Variants in PLEKHM1 observed in about 807,000 individuals in gnomAD.
PLEKHM1 encodes the protein pleckstrin homology and RUN domain containing M1, also known as pleckstrin homology domain-containing family M member 1.
PLEKHM1 carries 28 observed loss-of-function variants against 94.3 expected under a neutral mutation model. The ratio of observed to expected loss-of-function variants is 0.30; its 90% CI spans 0.22 to 0.41. The LOEUF (loss-of-function observed/expected upper bound fraction) is 0.41, where lower values mean the gene tolerates loss of function less well. Ranked by LOEUF, PLEKHM1 falls within the 10% of genes least tolerant of loss-of-function variation. The pLI, the probability that PLEKHM1 is intolerant of heterozygous loss-of-function variation, is 1.00. For missense variants in PLEKHM1, 907 were observed against 1,358.6 expected (o/e 0.67, Z 5.22); for synonymous variants, 424 against 581.2 (o/e 0.73, Z 3.89).
intron 4 of PLEKHM1, among the ~76,000 whole-genome samples, chr17:45,473,657 C>T (rs1567796612): frequency 6.6e-6 from 1 of 151,938 alleles, no homozygotes; most frequent in Non-Finnish European, 1.5e-5. Context: ...CTCCTGGGTC[C>T]ACACCATTCT....
chr17:45,453,407 C>T lies in PLEKHM1; in HGVS notation c.2445G>A (p.Leu815=). The T allele has an allele frequency of 6.2e-7, 1 of 1,613,838 alleles. No homozygotes were observed. The highest frequency in any genetic ancestry group is 2.2e-5 in the East Asian group (1 of 44,884). Residue 815 remains leucine (L), a synonymous_variant, in exon 7 of 12, where the codon CTG becomes CTA. Transcript: ENST00000430334. This position sits in a 1 kb window ranked among gnomAD's most constrained non-coding sequence, Gnocchi z 4.1. ...TRENGFLLQY[L]VAIPMEKGLD... Reference sequence around the variant, plus strand: ...GGCCTTTCTCCATGGGGATAGCCACCAGGTACTGCAGCAGGAAGCCATTCT... The same window carrying T: ...GGCCTTTCTCCATGGGGATAGCCACTAGGTACTGCAGCAGGAAGCCATTCT...
chr17:45,452,608 T>TC (rs1183700877), intron 7 of PLEKHM1, among the ~76,000 whole-genome samples: 1 of 151,382 alleles, frequency 6.6e-6, no homozygotes, highest in Non-Finnish European at 1.5e-5. Flanking sequence ...AATGAGATAA[T>TC]CCAAATAAAG....
chr17:45,476,544 G>A (rs1159974557), intron 3 of PLEKHM1, among the ~76,000 whole-genome samples: 63 of 152,126 alleles, frequency 4.1e-4, no homozygotes, highest in Non-Finnish European at 4.4e-5. Flanking sequence ...ACGGGGTAAT[G>A]GCCCCACACC....
intron 5 of PLEKHM1, among the ~76,000 whole-genome samples, chr17:45,460,933 G>A (rs1353443709): frequency 6.6e-6 from 1 of 152,182 alleles, no homozygotes; most frequent in African/African-American, 2.4e-5. Context: ...CGCCCAGGCT[G>A]GAGTGCAGTG....
Position 45,453,428 on chromosome 17 carries a change from A to G in PLEKHM1, c.2424T>C (p.Asn808=), listed in dbSNP as rs2050834178. The change falls in exon 7 of 12, where the codon AAT becomes AAC. Residue 808 remains asparagine (N), a synonymous_variant. Coordinates refer to ENST00000430334, the MANE Select transcript of PLEKHM1 (RefSeq NM_014798.3). The surrounding 1 kb of genome is among the most constrained non-coding windows in gnomAD (Gnocchi z 4.1). ...CCACCAGGTACTGCAGCAGGAAGCCATTCTCCCGGGTGGCAAATTTCAGCA... is the reference window on the plus strand; with the variant it reads ...CCACCAGGTACTGCAGCAGGAAGCCGTTCTCCCGGGTGGCAAATTTCAGCA... The part of the protein sequence containing the change: ...QEVLKFATRE[N]GFLLQYLVAI... The G allele has an allele frequency of 2.5e-6, 4 of 1,613,552 alleles. No homozygotes were observed. Among genetic ancestry groups the G allele is most frequent in the Non-Finnish European group, 1.7e-6 (2 of 1,179,706 alleles).
rs1165369532 is a variant in PLEKHM1, at chr17:45,468,214, T to C, written c.1303A>G (p.Ser435Gly). 1.9e-6 allele frequency: 3 copies of C among 1,612,904 alleles called. No individual in the cohort carries two copies. Among genetic ancestry groups the C allele is most frequent in the Admixed American group, 3.3e-5 (2 of 59,978 alleles). ...GAACGGCTTGCACCACTCACCGGACTGGTGGGTGAGGAAACTACCAGCTTC... is the reference window on the plus strand; with the variant it reads ...GAACGGCTTGCACCACTCACCGGACCGGTGGGTGAGGAAACTACCAGCTTC... ...GLKLVVSSPT[S>G]PKNKSWISED... The change falls in exon 5 of 12, where the codon AGT becomes GGT. Residue 435 changes from serine (S) to glycine (G), a missense_variant. Ser to Gly is a moderately conservative substitution (Grantham distance 56). Transcript: ENST00000430334.
intron 2 of PLEKHM1, among the ~76,000 whole-genome samples, chr17:45,479,517 C>CA (rs55781182): frequency 0.049 from 4,256 of 86,224 alleles, 140 homozygotes; most frequent in African/African-American, 0.081. Context: ...GACTCCGCCT[C>CA]AAAAAAAAAA....
At position 45,437,094 on chromosome 17, in the gene PLEKHM1, C is replaced by T. The variant is rs569582885; in HGVS notation, c.*764G>A. ...TGCTGGTTTCCAGTCATTTCTCCTT[C>T]TCCTAATGGGGCCAAGGCCCCAGGC... On this transcript the variant is annotated 3_prime_UTR_variant, in exon 12 of 12. Transcript: ENST00000430334. This position sits in a 1 kb window ranked among gnomAD's most constrained non-coding sequence, Gnocchi z 4.0. 6.6e-6 allele frequency: 3 copies of T among 454,512 alleles called. No homozygotes were observed. Among genetic ancestry groups the T allele is most frequent in the South Asian group, 4.7e-5 (3 of 64,480 alleles). The allele number at this position is 454,512 out of a possible 1,614,324, so 28.2% of individuals were successfully genotyped here.
intron 8 of PLEKHM1, among the ~76,000 whole-genome samples, chr17:45,449,187 G>A (rs1380309425): frequency 6.7e-6 from 1 of 150,346 alleles, no homozygotes; most frequent in East Asian, 1.9e-4. Flanking sequence ...GGCCTCATAG[G>A]GTTGGCAAAG....
chr17:45,474,206 C>T (rs1353867652), intron 4 of PLEKHM1, among the ~76,000 whole-genome samples: 6 of 151,834 alleles, frequency 4.0e-5, no homozygotes, highest in African/African-American at 1.2e-4. Context: ...ACAAGGCGCC[C>T]GCCACCATGC....
chr17:45,470,481 T>C (rs2051465686), intron 4 of PLEKHM1, among the ~76,000 whole-genome samples: 1 of 152,300 alleles, frequency 6.6e-6, no homozygotes, highest in South Asian at 2.1e-4. Context: ...ATACAAAAAT[T>C]AGTTGGGCGT....
At chr17:45,488,034 G>A (rs1022077520) in intron 1 of PLEKHM1, among the ~76,000 whole-genome samples, 2 of 152,224 alleles carry the variant, frequency 1.3e-5, no homozygotes, top group African/African-American at 4.8e-5. Context: ...GTCCACCTGA[G>A]GAAAGCTGGA....
chr17:45,462,301 T>G (rs1043098256), intron 5 of PLEKHM1, among the ~76,000 whole-genome samples: 5 of 152,062 alleles, frequency 3.3e-5, no homozygotes, highest in African/African-American at 1.2e-4. Context: ...CTGGGGACCA[T>G]CCACAACACT....
Position 45,475,555 on chromosome 17 carries a change from C to T in PLEKHM1, c.468G>A (p.Arg156=), listed in dbSNP as rs12452273. 0.16 allele frequency: 256,005 copies of T among 1,612,676 alleles called. 23,015 individuals carry two copies. Among genetic ancestry groups the T allele is most frequent in the Middle Eastern group, 0.2 (1,192 of 6,048 alleles). Residue 156 remains arginine, a synonymous_variant, in exon 4 of 12, where the codon CGG becomes CGA. Coordinates refer to ENST00000430334, the MANE Select transcript of PLEKHM1 (RefSeq NM_014798.3). The stretch of plus-strand genomic sequence containing the variant: ...GGAGGAACTCGCCCTCCTCAGCATC[C>T]CGGAGCAGGGCGGTGGGCTGGTAGT... The part of the protein sequence containing the change: ...HEYYQPTALL[R]DAEEGEFLLS...
At chr17:45,470,800 A>G (rs2051484255) in intron 4 of PLEKHM1, among the ~76,000 whole-genome samples, 1 of 150,850 alleles carries the variant, frequency 6.6e-6, no homozygotes, top group Non-Finnish European at 1.5e-5. Context: ...CTAGGACTAC[A>G]GACGCCCGCC....
At chr17:45,470,722 C>T (rs2051480614) in intron 4 of PLEKHM1, among the ~76,000 whole-genome samples, 1 of 151,040 alleles carries the variant, frequency 6.6e-6, no homozygotes, top group Non-Finnish European at 1.5e-5. Flanking sequence ...GCAGTGGCGC[C>T]ATCTCGGCTC....
intron 6 of PLEKHM1, among the ~76,000 whole-genome samples, chr17:45,455,162 C>A (rs1046480178): frequency 1.4e-4 from 21 of 152,266 alleles, no homozygotes; most frequent in African/African-American, 4.6e-4. Context: ...TCTCTAGTTT[C>A]CCTGCTCCCA....
downstream of PLEKHM1, among the ~76,000 whole-genome samples, chr17:45,434,915 G>C (rs1336129577): frequency 7.2e-6 from 1 of 139,262 alleles, no homozygotes; most frequent in Non-Finnish European, 1.5e-5. Flanking sequence ...GTTGCAGTGA[G>C]CCAAGATCAC....
At chr17:45,455,147 C>G (rs2145225324) in intron 6 of PLEKHM1, among the ~76,000 whole-genome samples, 1 of 152,258 alleles carries the variant, frequency 6.6e-6, no homozygotes, top group East Asian at 1.9e-4. Flanking sequence ...CAAAAAACCT[C>G]TTGGTCTCTA....
Sources: allele counts gnomAD v4.1 joint callset (sites outside exome capture counted in the v4.1 genomes callset), GRCh38; gene constraint gnomAD v4.1.1; non-coding constraint Gnocchi (gnomAD v3.1); transcripts MANE v1.5; gene names NCBI Gene and HGNC (gene_info 2026-07-23, HGNC 2026-07-21).